Variants in NCOA1 observed in about 807,000 individuals in gnomAD.
NCOA1 encodes the protein Hin-2 protein.
A neutral mutation model predicts 150.9 loss-of-function variants in NCOA1; 35 were observed. That is an observed-to-expected ratio of 0.23 (90% CI 0.18 to 0.31). NCOA1 has a LOEUF of 0.31. Ranked by LOEUF, NCOA1 falls within the 10% of genes least tolerant of loss-of-function variation. The pLI is 1.00. For synonymous variants in NCOA1, 590 were observed against 630.0 expected, an observed-to-expected ratio of 0.94 and a Z score of 0.95; for missense variants, 1,491 against 1,749.3, an observed-to-expected ratio of 0.85 and a Z score of 2.63.
chr2:24,728,271 T>C (rs1477191410), intron 15 of NCOA1, 37 bp from the exon 16 acceptor site: 55 of 1,560,004 alleles, frequency 3.5e-5, no homozygotes, highest in Non-Finnish European at 4.5e-5. Flanking sequence ...TTATTTGCTA[T>C]GTCAGTCTGA....
In NCOA1 at chr2:24,673,427, G is replaced by A. The variant is rs756790279; in HGVS notation, c.318G>A (p.Val106=). Residue 106 remains valine (V), a synonymous_variant, in exon 7 of 23, where the codon GTG becomes GTA. Transcript: ENST00000348332. ...KSDISSSSQG[V]IEKESLGPLL... is the part of the protein sequence containing the mutation. The stretch of plus-strand genomic sequence containing the variant: ...ACATCTCATCAAGTAGTCAAGGAGT[G>A]ATAGAAAAGGAATCCTTGGGACCTC... 2 of 1,593,326 alleles carry A rather than the reference G, an allele frequency of 1.3e-6. No individual in the cohort carries two copies. Among genetic ancestry groups the A allele is most frequent in the East Asian group, 4.6e-5 (2 of 43,724 alleles).
chr2:24,494,507 C>G (rs571635901), intron 1 of NCOA1, among the ~76,000 whole-genome samples: 3 of 152,238 alleles, frequency 2.0e-5, no homozygotes, highest in Admixed American at 2.0e-4. Flanking sequence ...ACGCACAACA[C>G]GGAGTAAAAT....
chr2:24,704,193 G>A (rs1673299295), intron 11 of NCOA1, among the ~76,000 whole-genome samples: 1 of 152,058 alleles, frequency 6.6e-6, no homozygotes, highest in Non-Finnish European at 1.5e-5. Context: ...ATAGTACACA[G>A]ATTTTACACA....
chr2:24,767,820 T>G (rs1328794564), intron 22 of NCOA1: 1 of 390,916 alleles, frequency 2.6e-6, no homozygotes, highest in Admixed American at 4.2e-5. Context: ...CATAAAGATT[T>G]TTTATCCTAC....
intron 1 of NCOA1, among the ~76,000 whole-genome samples, 158 bp downstream of exon 1, chr2:24,491,760 C>G (rs1662969906): frequency 6.6e-6 from 1 of 151,592 alleles, no homozygotes; most frequent in African/African-American, 2.4e-5. Context: ...CCGAGTTCCC[C>G]TCGCGGCCCG....
intron 5 of NCOA1, among the ~76,000 whole-genome samples, chr2:24,662,502 C>G (rs1301180667): frequency 6.6e-6 from 1 of 152,106 alleles, no homozygotes; most frequent in Non-Finnish European, 1.5e-5. Context: ...GGTCATGGCA[C>G]TCATTCTGCT....
chr2:24,686,752 T>C (rs1228377895), intron 8 of NCOA1, among the ~76,000 whole-genome samples: 1 of 152,178 alleles, frequency 6.6e-6, no homozygotes, highest in Non-Finnish European at 1.5e-5. Context: ...GAATTAATCT[T>C]GTGAAATCAG....
intron 11 of NCOA1, among the ~76,000 whole-genome samples, chr2:24,701,652 G>A (rs1183355788): frequency 6.6e-6 from 1 of 152,146 alleles, no homozygotes; most frequent in African/African-American, 2.4e-5. Flanking sequence ...CAAATGACTT[G>A]ACTTGTTCTT....
chr2:24,692,432 G>A (rs928538091), intron 9 of NCOA1, among the ~76,000 whole-genome samples: 2 of 152,150 alleles, frequency 1.3e-5, no homozygotes, highest in African/African-American at 2.4e-5. Context: ...AACAAAACTT[G>A]GGAATGGGAC....
intron 21 of NCOA1, among the ~76,000 whole-genome samples, chr2:24,761,442 A>C (rs188437840): frequency 2.2e-3 from 332 of 152,274 alleles, no homozygotes; most frequent in African/African-American, 7.7e-3. Flanking sequence ...CATATCTAGC[A>C]GTCATATTTG....
At chr2:24,591,907 A>G (rs554163297) in intron 3 of NCOA1, among the ~76,000 whole-genome samples, 1 of 152,310 alleles carries the variant, frequency 6.6e-6, no homozygotes, top group South Asian at 2.1e-4. Flanking sequence ...AATTAAAAAA[A>G]AGTTTTCTTG....
intron 20 of NCOA1, among the ~76,000 whole-genome samples, chr2:24,754,436 G>C (rs1274498931): frequency 6.6e-6 from 1 of 152,136 alleles, no homozygotes; most frequent in Non-Finnish European, 1.5e-5. Flanking sequence ...CTGCTCCTCA[G>C]ATGTGCGAAG....
chr2:24,760,523 T>G (rs1328744509), intron 21 of NCOA1, among the ~76,000 whole-genome samples: 1 of 152,122 alleles, frequency 6.6e-6, no homozygotes, highest in Non-Finnish European at 1.5e-5. Flanking sequence ...AAAAAGTCTT[T>G]CACCTTCATC....
At chr2:24,575,263 C>A (rs1666907124) in intron 2 of NCOA1, among the ~76,000 whole-genome samples, 1 of 152,102 alleles carries the variant, frequency 6.6e-6, no homozygotes, top group Non-Finnish European at 1.5e-5. Flanking sequence ...CTGTCCTATG[C>A]AGTGTATTTT....
intron 3 of NCOA1, among the ~76,000 whole-genome samples, chr2:24,615,260 C>CAG (rs1448573310): frequency 6.6e-6 from 1 of 152,178 alleles, no homozygotes; most frequent in Non-Finnish European, 1.5e-5. Context: ...GAAATGGCCT[C>CAG]AGTTTACAGT....
intron 3 of NCOA1, among the ~76,000 whole-genome samples, chr2:24,632,577 C>T (rs982078585): frequency 2.6e-5 from 4 of 152,086 alleles, no homozygotes; most frequent in Non-Finnish European, 4.4e-5. Flanking sequence ...TGCTCAGAAC[C>T]CCTGGCCCCC....
intron 1 of NCOA1, among the ~76,000 whole-genome samples, chr2:24,540,581 C>T (rs1345049439): frequency 1.3e-5 from 2 of 152,036 alleles, no homozygotes; most frequent in Admixed American, 1.3e-4. Flanking sequence ...GCCTCAGCCT[C>T]CCCAGTAGCT....
intron 1 of NCOA1, among the ~76,000 whole-genome samples, chr2:24,505,016 G>C (rs528642669): frequency 6.6e-6 from 1 of 152,048 alleles, no homozygotes; most frequent in East Asian, 1.9e-4. Context: ...TTGGGTGGTG[G>C]TTAAAATAGT....
At chr2:24,643,700 A>G (rs1480527639) in intron 3 of NCOA1, among the ~76,000 whole-genome samples, 1 of 152,192 alleles carries the variant, frequency 6.6e-6, no homozygotes, top group East Asian at 1.9e-4. Context: ...AGACATGTAA[A>G]TGAGTCTTTC....
Sources: allele counts gnomAD v4.1 joint callset (sites outside exome capture counted in the v4.1 genomes callset), GRCh38; gene constraint gnomAD v4.1.1; transcripts MANE v1.5; gene names NCBI Gene and HGNC (gene_info 2026-07-23, HGNC 2026-07-21).